Variants in RYR1 observed in about 807,000 individuals in gnomAD.
The protein encoded by RYR1 is central core disease of muscle.
RYR1 carries 342 observed loss-of-function variants against 583.5 expected under a neutral mutation model. The ratio of observed to expected loss-of-function variants is 0.59; its 90% CI spans 0.54 to 0.64. The LOEUF is 0.64. Ranked by LOEUF, RYR1 falls within the 30% of genes least tolerant of loss-of-function variation. The pLI is 0.00. For missense variants in RYR1, 6,032 were observed against 6,917.2 expected, an observed-to-expected ratio of 0.87 and a Z score of 4.54; for synonymous variants, 2,791 against 2,822.5, an observed-to-expected ratio of 0.99 and a Z score of 0.35.
chr19:38,574,713 TAATC>T (rs1486177668), intron 96 of RYR1, among the ~76,000 whole-genome samples: 12 of 151,946 alleles, frequency 7.9e-5, no homozygotes, highest in Admixed American at 3.3e-4. Context: ...CGTGAATTCA[TAATC>T]AATCATCGCT....
chr19:38,577,228 C>T (rs1973997873), intron 97 of RYR1, among the ~76,000 whole-genome samples: 1 of 152,038 alleles, frequency 6.6e-6, no homozygotes, highest in South Asian at 2.1e-4. Flanking sequence ...CCTTTCTGTA[C>T]CTCATACTCA....
intron 89 of RYR1, among the ~76,000 whole-genome samples, chr19:38,552,476 C>T (rs889597617): frequency 2.0e-5 from 3 of 152,184 alleles, no homozygotes; most frequent in Admixed American, 2.0e-4. Context: ...TGGTCTCGAT[C>T]TCCTGACCTC....
chr19:38,447,663 G>A (rs892309878), intron 9 of RYR1, among the ~76,000 whole-genome samples: 2 of 151,914 alleles, frequency 1.3e-5, no homozygotes, highest in Non-Finnish European at 2.9e-5. Context: ...CCAACATGGT[G>A]AAACCCCGTC....
At chr19:38,451,022 A>G (rs917367225) in intron 11 of RYR1, among the ~76,000 whole-genome samples, 2 of 152,238 alleles carry the variant, frequency 1.3e-5, no homozygotes, top group African/African-American at 2.4e-5. Flanking sequence ...TATCAGTGCC[A>G]TCAACCAAGT....
At chr19:38,488,006 C>T (rs1969375403) in intron 34 of RYR1, among the ~76,000 whole-genome samples, 1 of 151,994 alleles carries the variant, frequency 6.6e-6, no homozygotes, top group Non-Finnish European at 1.5e-5. Flanking sequence ...GGCTAGAATG[C>T]AGTGGTATGA....
chr19:38,449,920 T>C (rs912967368), intron 11 of RYR1, among the ~76,000 whole-genome samples: 5 of 152,020 alleles, frequency 3.3e-5, no homozygotes, highest in Non-Finnish European at 7.4e-5. Flanking sequence ...AGAGACGAGG[T>C]CTCATTATAT....
intron 21 of RYR1, 29 bp from the exon 22 acceptor site, chr19:38,463,717 CA>C (rs1967917776): frequency 6.3e-6 from 10 of 1,589,370 alleles, no homozygotes; most frequent in Non-Finnish European, 8.6e-6. Flanking sequence ...GAAAGGGGAG[CA>C]CATGGAGTTG....
At chr19:38,572,786 C>G (rs1251077511) in intron 95 of RYR1, among the ~76,000 whole-genome samples, 1 of 151,356 alleles carries the variant, frequency 6.6e-6, no homozygotes, top group Non-Finnish European at 1.5e-5. Flanking sequence ...CCAGCCCTGA[C>G]CCCTATATGC....
chr19:38,433,799 C>T lies in RYR1; in HGVS notation c.-31C>T, dbSNP rs375755030. The T allele has an allele frequency of 6.3e-5, 100 of 1,586,280 alleles. No individual in the cohort carries two copies. Among genetic ancestry groups the T allele is most frequent in the African/African-American group, 1.4e-5 (1 of 73,956 alleles). On this transcript the variant is annotated 5_prime_UTR_variant, in exon 1 of 106. Transcript: ENST00000359596. The stretch of plus-strand genomic sequence containing the variant: ...GCAGCCCCCTCCCTCTGTTCCCCGA[C>T]CTCAGACCCTGGGCTTCCGACCTCG...
At position 38,572,051 on chromosome 19, in the gene RYR1, G is replaced by A; in HGVS notation, c.13779G>A (p.Met4593Ile). 1 of 1,614,106 alleles carries A rather than the reference G, an allele frequency of 6.2e-7. No homozygotes were observed. ...ACTCTCCACCAGGGGAGGACGACAT[G>A]GAAGGCTCAGCTGCTGGGGATGTGT... ...VSDSPPGEDDMEGSAAGDVSG... is the reference protein window; with the variant it reads ...VSDSPPGEDDIEGSAAGDVSG... Residue 4593 changes from methionine to isoleucine, a missense_variant, in exon 95 of 106, where the codon ATG becomes ATA. This residue lies in a region of RYR1 where 35 missense variants were observed against 66.0 expected (regional missense o/e 0.53). Transcript: ENST00000359596.
At chr19:38,482,435 C>T (rs1055732672) in intron 31 of RYR1, among the ~76,000 whole-genome samples, 1 of 152,074 alleles carries the variant, frequency 6.6e-6, no homozygotes, top group South Asian at 2.1e-4. Flanking sequence ...AGGGGCAAGA[C>T]AGTCTGAGGA....
At chr19:38,564,806 C>A (rs1427544302) in intron 90 of RYR1, among the ~76,000 whole-genome samples, 153 bp from the exon 91 acceptor site, 1 of 152,198 alleles carries the variant, frequency 6.6e-6, no homozygotes, top group Non-Finnish European at 1.5e-5. Flanking sequence ...GGAGCCACCG[C>A]GCCCAGCCTG....
intron 97 of RYR1, 142 bp downstream of exon 97, chr19:38,576,103 A>G (rs1045871979): frequency 2.8e-5 from 24 of 842,808 alleles, no homozygotes; most frequent in Non-Finnish European, 4.9e-5. Context: ...CAGTTTCCCC[A>G]TGGGGAGATG....
Position 38,507,845 on chromosome 19 carries a change from C to T in RYR1, c.8932+18C>T. ...CCACCTGGGTACGGAGAAATACCCC[C>T]CGCTTATGCCCGCCCCACCTGCAGA... is the stretch of plus-strand genomic sequence containing the variant. On this transcript the variant is annotated intron_variant, in intron 58 of 105. Coordinates refer to ENST00000359596, the MANE Select transcript of RYR1 (RefSeq NM_000540.3). The T allele has an allele frequency of 1.4e-6, 2 of 1,477,222 alleles. No individual in the cohort carries two copies. Among genetic ancestry groups the T allele is most frequent in the Non-Finnish European group, 1.9e-6 (2 of 1,067,392 alleles). 91.5% of individuals were successfully genotyped at this position (1,477,222 alleles called of 1,614,324 possible). A position where few individuals can be genotyped will look rare whatever the true frequency, so the allele number is the denominator to read the frequency against.
In RYR1 at chr19:38,504,277, G is replaced by A; in HGVS notation, c.7984G>A (p.Ala2662Thr). The A allele has an allele frequency of 6.2e-7, 1 of 1,614,122 alleles. No homozygotes were observed. The highest frequency in any genetic ancestry group is 1.1e-5 in the South Asian group (1 of 91,080). Reference protein sequence around the residue: ...WKYYCLPTGWANFGVTSEEEL... With the variant: ...WKYYCLPTGWTNFGVTSEEEL... ...GTACTACTGCCTACCCACGGGCTGG[G>A]CCAACTTCGGGGTCACCTCAGAGGA... The change falls in exon 50 of 106, where the codon GCC (alanine) becomes ACC (threonine). Residue 2662 changes from alanine (A) to threonine (T), a missense_variant. By Grantham distance (58) the Ala-to-Thr change is moderately conservative. Around this residue, in one of 11 missense-constraint regions of RYR1, gnomAD observed 1,493 missense variants for 1,715.5 expected, o/e 0.87. Coordinates refer to ENST00000359596, the MANE Select transcript of RYR1 (RefSeq NM_000540.3).
chr19:38,463,869 C>CGG lies in RYR1; in HGVS notation c.2786+23_2786+24dup. ...CGCTCAAGTGAGGGCCCAGGGGAGC[C>CGG]GGGGGTTGGGGCTGGCTGCTGGTGC... On this transcript the variant is annotated intron_variant, in intron 22 of 105. Transcript: ENST00000359596. 7.1e-7 allele frequency: 1 copy of CGG among 1,411,476 alleles called. No individual in the cohort carries two copies. Among genetic ancestry groups the CGG allele is most frequent in the East Asian group, 3.0e-5 (1 of 32,986 alleles). 87.4% of individuals were successfully genotyped at this position (1,411,476 alleles called of 1,614,324 possible). A position where few individuals can be genotyped will look rare whatever the true frequency, so the allele number is the denominator to read the frequency against.
At position 38,578,132 on chromosome 19, in the gene RYR1, C is replaced by T; in HGVS notation, c.14304-12C>T. 6.2e-7 allele frequency: 1 copy of T among 1,613,336 alleles called. No homozygotes were observed. The highest frequency in any genetic ancestry group is 8.5e-7 in the Non-Finnish European group (1 of 1,179,640). ...GACACTCAAGCATCTCTCCCCACCC[C>T]CGCCCCCACAGGCTCATGTCCATCG... On this transcript the variant is annotated splice_polypyrimidine_tract_variant and intron_variant, in intron 98 of 105. Transcript: ENST00000359596.
chr19:38,439,441 C>CACCT (rs1972572568), intron 1 of RYR1, among the ~76,000 whole-genome samples: 1 of 152,082 alleles, frequency 6.6e-6, no homozygotes, highest in South Asian at 2.1e-4. Flanking sequence ...TCAGGTGATC[C>CACCT]ACCTGCCTCG....
intron 89 of RYR1, among the ~76,000 whole-genome samples, chr19:38,551,384 A>G (rs1184890432): frequency 1.3e-5 from 2 of 151,764 alleles, no homozygotes; most frequent in African/African-American, 2.4e-5. Flanking sequence ...CACCTGGCCC[A>G]TGGCTTCTTA....
Sources: gnomAD v4.1 joint callset for allele counts (sites outside exome capture counted in the v4.1 genomes callset) on GRCh38, gnomAD v4.1.1 for gene constraint, gnomAD v4.1.1 regional missense constraint, MANE v1.5 for transcripts, NCBI Gene and HGNC (gene_info 2026-07-23, HGNC 2026-07-21) for gene names.